Variants in CBLN3 observed in about 807,000 individuals in gnomAD.
The protein encoded by CBLN3 is cerebellin-3.
In CBLN3, 14 loss-of-function variants were observed where a neutral mutation model predicts 17.4. That is an observed-to-expected ratio of 0.81 (90% CI 0.53 to 1.26). The LOEUF (loss-of-function observed/expected upper bound fraction) is 1.26, where lower values mean the gene tolerates loss of function less well. CBLN3 is among the 50% of genes most tolerant of loss of function. The pLI is 0.00. For missense variants in CBLN3, 263 were observed against 268.5 expected (o/e 0.98, Z 0.14); for synonymous variants, 129 against 117.4 (o/e 1.10, Z -0.64).
In CBLN3 at chr14:24,427,112, C is replaced by T. The variant is rs139920563; in HGVS notation, c.*677G>A. On this transcript the variant is annotated 3_prime_UTR_variant, in exon 3 of 3. Coordinates refer to ENST00000267406, the MANE Select transcript of CBLN3 (RefSeq NM_001039771.3). This position sits in a 1 kb window ranked among gnomAD's most constrained non-coding sequence, Gnocchi z 4.4. Reference sequence around the variant, plus strand: ...CAGGTGGGGAGGTAAGGGCCAGAGTCCATCTGGGATCCAGCATAGAAGGAC... The same window carrying T: ...CAGGTGGGGAGGTAAGGGCCAGAGTTCATCTGGGATCCAGCATAGAAGGAC... 1.9e-3 allele frequency: 296 copies of T among 152,958 alleles called. No individual in the cohort carries two copies. The highest frequency in any genetic ancestry group is 0.014 in the Middle Eastern group (4 of 294). The allele number at this position is 152,958 out of a possible 1,614,324, so 9.5% of individuals were successfully genotyped here.
At position 24,428,866 on chromosome 14, in the gene CBLN3, G is replaced by A; in HGVS notation, c.189C>T (p.Ala63=). The A allele has an allele frequency of 6.2e-7, 1 of 1,609,532 alleles. No homozygotes were observed. The highest frequency in any genetic ancestry group is 1.1e-5 in the South Asian group (1 of 90,466). The change falls in exon 1 of 3, where the codon GCC becomes GCT. Residue 63 remains alanine (A), a synonymous_variant. Coordinates refer to ENST00000267406, the MANE Select transcript of CBLN3 (RefSeq NM_001039771.3). ...CTCGCCCAGGGGGTGCCTCTCCCAG[G>A]GCTGCTCCCCCGGGCCCCCCTGCAG... ...RAAAGGPGGA[A]LGEAPPGRVA... is the part of the protein sequence containing the mutation.
In CBLN3 at chr14:24,427,960, A is replaced by G; in HGVS notation, c.447T>C (p.Pro149=). The part of the protein sequence containing the change: ...VQVSLMLNTW[P]VISAFANDPD... ...GATCATTGGCAAAGGCTGAGATGAC[A>G]GGCCACGTGTTCAGCATCAGGCTCA... Residue 149 remains proline, a synonymous_variant, in exon 3 of 3, where the codon CCT becomes CCC. Coordinates refer to ENST00000267406, the MANE Select transcript of CBLN3 (RefSeq NM_001039771.3). This position sits in a 1 kb window ranked among gnomAD's most constrained non-coding sequence, Gnocchi z 4.4. The G allele has an allele frequency of 6.2e-7, 1 of 1,613,634 alleles. No individual in the cohort carries two copies. The highest frequency in any genetic ancestry group is 8.5e-7 in the Non-Finnish European group (1 of 1,179,806).
In CBLN3 at chr14:24,429,443, G is replaced by A. The variant is rs896984949; in HGVS notation, c.-389C>T. ...GTGACGGGTGTGACAGAATGTGTGA[G>A]TGTGTGCATATGCCAGAGGCAGCCC... On this transcript the variant is annotated 5_prime_UTR_variant, in exon 1 of 3. Transcript: ENST00000267406. 1 of 510,066 alleles carries A rather than the reference G, an allele frequency of 2.0e-6. No individual in the cohort carries two copies. The allele number at this position is 510,066 out of a possible 1,614,324, so 31.6% of individuals were successfully genotyped here. A position where few individuals can be genotyped will look rare whatever the true frequency, so the allele number is the denominator to read the frequency against.
In CBLN3 at chr14:24,428,049, C is replaced by G. The variant is rs1410844233; in HGVS notation, c.421-63G>C. On this transcript the variant is annotated intron_variant, in intron 2 of 2. Coordinates refer to ENST00000267406, the MANE Select transcript of CBLN3 (RefSeq NM_001039771.3). ...CCTTAGCTCAGGACCCCCCACTTTC[C>G]CAGGAGCTTCCTCTTGGGAAGCTGG... The G allele has an allele frequency of 2.0e-6, 3 of 1,524,894 alleles. No homozygotes were observed. In the African/African-American group the frequency reaches 4.1e-5, roughly 21 times the overall value. The allele number at this position is 1,524,894 out of a possible 1,614,324, so 94.5% of individuals were successfully genotyped here.
Position 24,428,844 on chromosome 14 carries a change from GCCCAGGGGGTGCCTCT to G in CBLN3, c.195_210del (p.Ala67TrpfsTer32). The G allele has an allele frequency of 6.2e-7, 1 of 1,612,234 alleles. No homozygotes were observed. Among genetic ancestry groups the G allele is most frequent in the Non-Finnish European group, 8.5e-7 (1 of 1,179,316 alleles). The stretch of plus-strand genomic sequence containing the variant: ...CTTCGGACCGCAGCAAATGCCACTC[GCCCAGGGGGTGCCTCT>G]CCCAGGGCTGCTCCCCCGGGCCCCC... On this transcript the variant is annotated frameshift_variant, in exon 1 of 3. Coordinates refer to ENST00000267406, the MANE Select transcript of CBLN3 (RefSeq NM_001039771.3). LOFTEE classifies it high-confidence loss of function.
rs778075491 is a variant in CBLN3 at position 24,429,401 on chromosome 14, G to A, written c.-347C>T. 6.9e-6 allele frequency: 4 copies of A among 580,908 alleles called. No homozygotes were observed. The highest frequency in any genetic ancestry group is 2.2e-5 in the Admixed American group (1 of 46,118). 36.0% of individuals were successfully genotyped at this position (580,908 alleles called of 1,614,324 possible). A position where few individuals can be genotyped will look rare whatever the true frequency, so the allele number is the denominator to read the frequency against. The stretch of plus-strand genomic sequence containing the variant: ...TGAGGGCTGGACCTGGGGGGATGGA[G>A]AACATGGTATGTGTGTGTGACGGGT... On this transcript the variant is annotated 5_prime_UTR_variant, in exon 1 of 3. Coordinates refer to ENST00000267406, the MANE Select transcript of CBLN3 (RefSeq NM_001039771.3).
rs1400654910 is a variant in CBLN3 at position 24,427,467 on chromosome 14, G to A, written c.*322C>T. ...AGCATTGAGCAGGAAGCTGGGGTGG[G>A]GGAACCGGAGGAGCAGAGGCCGCAA... is the stretch of plus-strand genomic sequence containing the variant. On this transcript the variant is annotated 3_prime_UTR_variant, in exon 3 of 3. Coordinates refer to ENST00000267406, the MANE Select transcript of CBLN3 (RefSeq NM_001039771.3). The surrounding 1 kb of genome is among the most constrained non-coding windows in gnomAD (Gnocchi z 4.4). The A allele has an allele frequency of 3.2e-6, 1 of 315,480 alleles. No individual in the cohort carries two copies. Among genetic ancestry groups the A allele is most frequent in the Non-Finnish European group, 6.0e-6 (1 of 165,506 alleles). 19.5% of individuals were successfully genotyped at this position (315,480 alleles called of 1,614,324 possible). A position where few individuals can be genotyped will look rare whatever the true frequency, so the allele number is the denominator to read the frequency against.
rs1365590019 is a variant in CBLN3, at chr14:24,429,085, C to G, written c.-31G>C. The G allele has an allele frequency of 6.8e-7, 1 of 1,464,738 alleles. No individual in the cohort carries two copies. Among genetic ancestry groups the G allele is most frequent in the African/African-American group, 1.4e-5 (1 of 70,422 alleles). 90.7% of individuals were successfully genotyped at this position (1,464,738 alleles called of 1,614,324 possible). ...AGGGGCTCTGCAACCCACAAGTGCC[C>G]CGGTCTTCTGCCCCTCTTCTGTTTC... On this transcript the variant is annotated 5_prime_UTR_variant, in exon 1 of 3. Coordinates refer to ENST00000267406, the MANE Select transcript of CBLN3 (RefSeq NM_001039771.3).
At position 24,429,609 on chromosome 14, in the gene CBLN3, C is replaced by G; in HGVS notation, c.-555G>C. The G allele has an allele frequency of 1.0e-6, 1 of 986,776 alleles. No individual in the cohort carries two copies. The highest frequency in any genetic ancestry group is 1.3e-6 in the Non-Finnish European group (1 of 762,742). The allele number at this position is 986,776 out of a possible 1,614,324, so 61.1% of individuals were successfully genotyped here. A position where few individuals can be genotyped will look rare whatever the true frequency, so the allele number is the denominator to read the frequency against. ...CCGCCTCCCGCCTCCCGCCTACCCC[C>G]TCCGCCACGATTGCTTTGGTGGAAA... is the stretch of plus-strand genomic sequence containing the variant. On this transcript the variant is annotated 5_prime_UTR_variant, in exon 1 of 3. Coordinates refer to ENST00000267406, the MANE Select transcript of CBLN3 (RefSeq NM_001039771.3).
intron 1 of CBLN3, 111 bp downstream of exon 1, chr14:24,428,644 G>C: frequency 7.7e-7 from 1 of 1,293,442 alleles, no homozygotes; most frequent in Non-Finnish European, 1.1e-6. Flanking sequence ...AGTGAAAGAT[G>C]TAGGAAGCTG....
chr14:24,428,041 C>T (rs2043039703), intron 2 of CBLN3, 55 bp from the exon 3 acceptor site: 3 of 1,546,956 alleles, frequency 1.9e-6, no homozygotes, highest in South Asian at 2.3e-5. Flanking sequence ...TCAGGACCCC[C>T]CACTTTCCCA....
At position 24,429,490 on chromosome 14, in the gene CBLN3, T is replaced by C. The variant is rs2273630; in HGVS notation, c.-436A>G. 0.7 allele frequency: 323,110 copies of C among 462,798 alleles called. 114,773 individuals are homozygous for C. Among genetic ancestry groups the C allele is most frequent in the Admixed American group, 0.77 (30,834 of 39,948 alleles). 28.7% of individuals were successfully genotyped at this position (462,798 alleles called of 1,614,324 possible). A position where few individuals can be genotyped will look rare whatever the true frequency, so the allele number is the denominator to read the frequency against. ...GCCCCTCAACCCCTTCCTCCTACTC[T>C]TCCTCTCTTCAAAATCCCCCACAAA... On this transcript the variant is annotated 5_prime_UTR_variant, in exon 1 of 3. Coordinates refer to ENST00000267406, the MANE Select transcript of CBLN3 (RefSeq NM_001039771.3).
At position 24,428,757 on chromosome 14, in the gene CBLN3, G is replaced by A; in HGVS notation, c.298C>T (p.Gln100Ter). The A allele has an allele frequency of 6.3e-7, 1 of 1,583,206 alleles. No homozygotes were observed. ...NGTSGAIYFD[Q>*]VLVNEGGGFD... ...CTGGACAGGGGTAGGGGGATTACCT[G>A]GTCGAAGTAGATGGCCCCACTGGTG... is the stretch of plus-strand genomic sequence containing the variant. Residue 100 changes from glutamine (Q) to a stop codon, truncating the protein, a stop_gained and splice_region_variant, in exon 1 of 3, where the codon CAG becomes TAG. Coordinates refer to ENST00000267406, the MANE Select transcript of CBLN3 (RefSeq NM_001039771.3). LOFTEE classifies it high-confidence loss of function.
chr14:24,428,214 G>A (rs2043042610), intron 2 of CBLN3, 72 bp downstream of exon 2: 3 of 1,584,152 alleles, frequency 1.9e-6, no homozygotes, highest in South Asian at 2.3e-5. Context: ...TCCACCCGGA[G>A]GTCAGCTGGG....
Position 24,428,938 on chromosome 14 carries a change from G to A in CBLN3, c.117C>T (p.Val39=), listed in dbSNP as rs1384002021. The change falls in exon 1 of 3, where the codon GTC becomes GTT. Residue 39 remains valine, a synonymous_variant. Coordinates refer to ENST00000267406, the MANE Select transcript of CBLN3 (RefSeq NM_001039771.3). Reference sequence around the variant, plus strand: ...CCACCAGGCACTCCCCCTCCAGCAGGACGGGCTCTGACCCCTCCTGGGCCC... The same window carrying A: ...CCACCAGGCACTCCCCCTCCAGCAGAACGGGCTCTGACCCCTCCTGGGCCC... The part of the protein sequence containing the change: ...AGWAQEGSEP[V]LLEGECLVVC... The A allele has an allele frequency of 1.9e-6, 3 of 1,554,792 alleles. No homozygotes were observed. The highest frequency in any genetic ancestry group is 2.4e-5 in the South Asian group (2 of 84,748).
chr14:24,427,674 G>C lies in CBLN3; in HGVS notation c.*115C>G, dbSNP rs1352104087. ...TGTTTGGCACAGGGTCCCATGCAAA[G>C]AGGTGGGATAGGAGCCAGAGGGAGT... On this transcript the variant is annotated 3_prime_UTR_variant, in exon 3 of 3. Transcript: ENST00000267406. This position sits in a 1 kb window ranked among gnomAD's most constrained non-coding sequence, Gnocchi z 4.4. 3.0e-5 allele frequency: 28 copies of C among 938,620 alleles called. No homozygotes were observed. Among genetic ancestry groups the C allele is most frequent in the Non-Finnish European group, 4.1e-5 (24 of 591,282 alleles). 58.1% of individuals were successfully genotyped at this position (938,620 alleles called of 1,614,324 possible). A position where few individuals can be genotyped will look rare whatever the true frequency, so the allele number is the denominator to read the frequency against.
chr14:24,426,700 G>A lies in CBLN3; in HGVS notation c.*1089C>T, dbSNP rs1434371986. ...TTGTTTTATTGATAGATTCATCCAG[G>A]CTGGGCCAATGGGACAGCGGGATAA... On this transcript the variant is annotated 3_prime_UTR_variant, in exon 3 of 3. Coordinates refer to ENST00000267406, the MANE Select transcript of CBLN3 (RefSeq NM_001039771.3). 3 of 152,140 alleles carry A rather than the reference G, an allele frequency of 2.0e-5. No individual in the cohort carries two copies. The highest frequency in any genetic ancestry group is 7.2e-5 in the African/African-American group (3 of 41,402). The allele number at this position is 152,140 out of a possible 1,614,324, so 9.4% of individuals were successfully genotyped here. A position where few individuals can be genotyped will look rare whatever the true frequency, so the allele number is the denominator to read the frequency against.
chr14:24,427,630 C>T lies in CBLN3; in HGVS notation c.*159G>A. ...CTGGTCTGGAGATGCCACAGCTCTA[C>T]TCTTCTCTTAAACTTGGGTGTTTGG... is the stretch of plus-strand genomic sequence containing the variant. On this transcript the variant is annotated 3_prime_UTR_variant, in exon 3 of 3. Coordinates refer to ENST00000267406, the MANE Select transcript of CBLN3 (RefSeq NM_001039771.3). The surrounding 1 kb of genome is among the most constrained non-coding windows in gnomAD (Gnocchi z 4.4). The T allele has an allele frequency of 2.7e-6, 2 of 728,906 alleles. No individual in the cohort carries two copies. Among genetic ancestry groups the T allele is most frequent in the Middle Eastern group, 4.0e-4 (1 of 2,508 alleles). The allele number at this position is 728,906 out of a possible 1,614,324, so 45.2% of individuals were successfully genotyped here.
chr14:24,429,001 C>T lies in CBLN3; in HGVS notation c.54G>A (p.Leu18=). 1.3e-6 allele frequency: 2 copies of T among 1,547,622 alleles called. No individual in the cohort carries two copies. Among genetic ancestry groups the T allele is most frequent in the South Asian group, 1.2e-5 (1 of 83,848 alleles). ...WLPGPLHSPG[L]PLVLVLLALG... ...GGGCCAGAAGCACCAGAACCAAGGGCAGCCCGGGACTGTGTAGGGGACCTG... is the reference window on the plus strand; with the variant it reads ...GGGCCAGAAGCACCAGAACCAAGGGTAGCCCGGGACTGTGTAGGGGACCTG... Residue 18 remains leucine (L), a synonymous_variant, in exon 1 of 3, where the codon CTG becomes CTA. Transcript: ENST00000267406.
Sources: allele counts gnomAD v4.1 joint callset, GRCh38; gene constraint gnomAD v4.1.1; non-coding constraint Gnocchi (gnomAD v3.1); transcripts MANE v1.5; gene names NCBI Gene and HGNC (gene_info 2026-07-23, HGNC 2026-07-21).